MAP3K20: variants seen among roughly 807,000 people sequenced by gnomAD.
MAP3K20 encodes mitogen-activated protein kinase kinase kinase 20.
In MAP3K20, 40 loss-of-function variants were observed where a neutral mutation model predicts 85.7. The ratio of observed to expected loss-of-function variants is 0.47; its 90% confidence interval spans 0.36 to 0.61. The LOEUF (loss-of-function observed/expected upper bound fraction) is 0.61. Among genes scored for constraint, MAP3K20 ranks in the 20% least tolerant of loss-of-function variants. The pLI is 0.00. For missense variants in MAP3K20, 817 were observed against 961.7 expected (o/e 0.85, Z 1.99); for synonymous variants, 325 against 327.7 (o/e 0.99, Z 0.09).
chr2:173,250,153 T>A (rs1282717296), intron 16 of MAP3K20, among the ~76,000 whole-genome samples: 1 of 152,236 alleles, frequency 6.6e-6, no homozygotes, highest in Non-Finnish European at 1.5e-5. Context: ...TTCTTGTATT[T>A]TAAAAACCAA....
chr2:173,125,450 C>T (rs1366303304), intron 2 of MAP3K20, among the ~76,000 whole-genome samples: 1 of 151,858 alleles, frequency 6.6e-6, no homozygotes, highest in African/African-American at 2.4e-5. Context: ...TTGTGTTTTT[C>T]TGCTTAGCAG....
chr2:173,171,214 C>T (rs777903049), intron 3 of MAP3K20, among the ~76,000 whole-genome samples: 7 of 152,158 alleles, frequency 4.6e-5, no homozygotes, highest in South Asian at 4.1e-4. Context: ...TAAAGTTAAA[C>T]CTTTCTCTGA....
intron 4 of MAP3K20, among the ~76,000 whole-genome samples, chr2:173,185,340 G>A (rs1168294666): frequency 3.9e-5 from 6 of 152,114 alleles, no homozygotes; most frequent in African/African-American, 9.7e-5. Context: ...TGGCTAATGT[G>A]TTTGACCTCA....
intron 16 of MAP3K20, among the ~76,000 whole-genome samples, chr2:173,249,005 T>TC (rs1471127592): frequency 6.6e-6 from 1 of 152,170 alleles, no homozygotes; most frequent in Non-Finnish European, 1.5e-5. Context: ...GGCTTAGGTC[T>TC]CTGGATCACC....
At chr2:173,262,215 G>C (rs1045285597) in intron 18 of MAP3K20, among the ~76,000 whole-genome samples, 13 of 152,124 alleles carry the variant, frequency 8.5e-5, no homozygotes, top group Non-Finnish European at 1.5e-4. Flanking sequence ...AGTGGCTGCA[G>C]TAAGATGAAG....
intron 2 of MAP3K20, among the ~76,000 whole-genome samples, chr2:173,105,236 G>A (rs1166475337): frequency 6.6e-6 from 1 of 152,180 alleles, no homozygotes; most frequent in Non-Finnish European, 1.5e-5. Flanking sequence ...AGAGATGCTT[G>A]TGTCTGGGGC....
intron 2 of MAP3K20, among the ~76,000 whole-genome samples, chr2:173,108,086 A>G (rs773008127): frequency 1.1e-4 from 17 of 151,620 alleles, no homozygotes; most frequent in Non-Finnish European, 2.4e-4. Flanking sequence ...AGACAACAAT[A>G]TTTTGTCATT....
At chr2:173,089,580 C>T (rs531102982) in intron 1 of MAP3K20, among the ~76,000 whole-genome samples, 5 of 149,024 alleles carry the variant, frequency 3.4e-5, no homozygotes, top group African/African-American at 9.7e-5. Flanking sequence ...ATGTAGTCAT[C>T]GTGTTTCCCT....
intron 1 of MAP3K20, among the ~76,000 whole-genome samples, chr2:173,088,475 A>G (rs1687202413): frequency 1.3e-5 from 2 of 152,248 alleles, no homozygotes; most frequent in African/African-American, 2.4e-5. Flanking sequence ...ATCAAGAAAT[A>G]GTAATATAAG....
At chr2:173,104,519 T>A (rs1687730219) in intron 2 of MAP3K20, among the ~76,000 whole-genome samples, 2 of 151,984 alleles carry the variant, frequency 1.3e-5, no homozygotes, top group Non-Finnish European at 2.9e-5. Context: ...AAAAAAAAGA[T>A]GTTGGTGGAA....
intron 7 of MAP3K20, chr2:173,197,754 T>C (rs527296761): frequency 1.1e-5 from 2 of 176,036 alleles, no homozygotes; most frequent in East Asian, 2.9e-4. Context: ...GAGATGACAT[T>C]AAATCAGTCA....
chr2:173,216,917 T>C (rs1368160819), intron 10 of MAP3K20, among the ~76,000 whole-genome samples, 198 bp from the exon 11 acceptor site: 5 of 152,180 alleles, frequency 3.3e-5, no homozygotes, highest in Non-Finnish European at 1.5e-5. Context: ...TGTTGAAATA[T>C]TTTGAGCTTA....
intron 16 of MAP3K20, among the ~76,000 whole-genome samples, chr2:173,254,071 A>AG (rs954385846): frequency 1.0e-3 from 17 of 16,982 alleles, no homozygotes; most frequent in Non-Finnish European, 3.1e-3. Context: ...AACCTGTGTC[A>AG]GAAAAAAAAA....
At chr2:173,168,918 A>G (rs1278865733) in intron 2 of MAP3K20, among the ~76,000 whole-genome samples, 1 of 152,140 alleles carries the variant, frequency 6.6e-6, no homozygotes, top group Non-Finnish European at 1.5e-5. Context: ...TATTTTTACC[A>G]TGTCACTCTT....
chr2:173,177,828 G>A (rs1690206370), intron 3 of MAP3K20, among the ~76,000 whole-genome samples: 1 of 152,018 alleles, frequency 6.6e-6, no homozygotes, highest in African/African-American at 2.4e-5. Context: ...TGCAGATAAG[G>A]CAGTATTTAG....
In MAP3K20 at chr2:173,266,520, C is replaced by T. The variant is rs1461034810; in HGVS notation, c.2173C>T (p.His725Tyr). ...GGTTTCTCAGTCAGCACTCAATCCT[C>T]ACCAGTCGCCTGACTTCAAGAGAAG... ...YRVSQSALNP[H>Y]QSPDFKRSPR... Residue 725 changes from histidine to tyrosine, a missense_variant, in exon 20 of 20, where the codon CAC (histidine) becomes TAC (tyrosine). Physicochemically the swap from His to Tyr is moderately conservative, Grantham distance 83. Coordinates refer to ENST00000375213, the MANE Select transcript of MAP3K20 (RefSeq NM_016653.3). 1.2e-6 allele frequency: 2 copies of T among 1,614,014 alleles called. No homozygotes were observed. Among genetic ancestry groups the T allele is most frequent in the East Asian group, 2.2e-5 (1 of 44,876 alleles).
intron 2 of MAP3K20, chr2:173,166,494 T>C (rs1365798507): frequency 2.6e-5 from 4 of 152,190 alleles, no homozygotes; most frequent in South Asian, 4.1e-4. Flanking sequence ...AGATTTCACA[T>C]GTTGACTGAA....
chr2:173,206,073 T>C (rs535870064), intron 9 of MAP3K20, among the ~76,000 whole-genome samples: 1 of 152,372 alleles, frequency 6.6e-6, no homozygotes, highest in African/African-American at 2.4e-5. Flanking sequence ...CATATGTTTC[T>C]CTCTGATACA....
Position 173,212,646 on chromosome 2 carries a change from T to A in MAP3K20, c.851+2811T>A, listed in dbSNP as rs1208577986. ...TCATCTCTACTCACAATTTAAAAAT[T>A]AGCTGGGCATTGTGACTCTAACCTG... On this transcript the variant is annotated intron_variant, in intron 10 of 19. Coordinates refer to ENST00000375213, the MANE Select transcript of MAP3K20 (RefSeq NM_016653.3). The A allele has an allele frequency of 2.6e-5, 4 of 151,948 alleles. No homozygotes were observed. In the East Asian group the frequency reaches 7.7e-4, roughly 29 times the overall value. The allele number at this position is 151,948 out of a possible 1,614,324, so 9.4% of individuals were successfully genotyped here.
Sources: allele counts gnomAD v4.1 joint callset (sites outside exome capture counted in the v4.1 genomes callset), GRCh38; gene constraint gnomAD v4.1.1; transcripts MANE v1.5; gene names NCBI Gene and HGNC (gene_info 2026-07-23, HGNC 2026-07-21).